The following OSBPL6 variants were observed in gnomAD, a reference collection of about 807,000 sequenced individuals.
The protein encoded by OSBPL6 is oxysterol binding protein like 6.
A neutral mutation model predicts 125.8 loss-of-function variants in OSBPL6; 49 were observed. The ratio of observed to expected loss-of-function variants is 0.39; its 90% CI spans 0.31 to 0.49. OSBPL6 has a LOEUF of 0.49. OSBPL6 is among the 20% of genes least tolerant of loss of function. The pLI is 0.88. For synonymous variants in OSBPL6, 394 were observed against 391.8 expected (o/e 1.01, Z -0.07); for missense variants, 986 against 1,135.4 (o/e 0.87, Z 1.89).
intron 12 of OSBPL6, among the ~76,000 whole-genome samples, chr2:178,356,853 A>G (rs1316112610): frequency 6.6e-6 from 1 of 152,260 alleles, no homozygotes; most frequent in Non-Finnish European, 1.5e-5. Context: ...ACAAGGCTAC[A>G]GTAACCAAAA....
chr2:178,379,894 A>G (rs192348859), intron 15 of OSBPL6, among the ~76,000 whole-genome samples: 1 of 152,326 alleles, frequency 6.6e-6, no homozygotes, highest in East Asian at 1.9e-4. Context: ...CATGTGTGCA[A>G]TCATTCTGTC....
chr2:178,222,053 C>T (rs1411101005), intron 1 of OSBPL6, among the ~76,000 whole-genome samples: 1 of 152,170 alleles, frequency 6.6e-6, no homozygotes, highest in Non-Finnish European at 1.5e-5. Context: ...AGGAAGTCAT[C>T]AACTAAAGAG....
chr2:178,207,636 T>A (rs1340489195), intron 1 of OSBPL6, among the ~76,000 whole-genome samples: 1 of 152,152 alleles, frequency 6.6e-6, no homozygotes, highest in Non-Finnish European at 1.5e-5. Context: ...GAAGTAAATT[T>A]GGGAACATCT....
rs137874405 is a variant in OSBPL6 at position 178,200,443 on chromosome 2, G to A, written c.-351+5769G>A. Among the ~76,000 whole-genome samples the A allele has an allele frequency of 8.3e-3, 1,257 of 151,774 alleles. 23 individuals carry two copies. Among genetic ancestry groups the A allele is most frequent in the African/African-American group, 0.028 (1,151 of 41,374 alleles). ...ATTTTTATATTCTTAGTAAAGATGG[G>A]GTTTCACCATGTTGGCCAGACTCGT... On this transcript the variant is annotated intron_variant, in intron 1 of 24. Coordinates refer to ENST00000190611, the MANE Select transcript of OSBPL6 (RefSeq NM_032523.4).
chr2:178,387,029 T>C, intron 19 of OSBPL6, 32 bp from the exon 20 acceptor site: 1 of 1,423,078 alleles, frequency 7.0e-7, no homozygotes, highest in Non-Finnish European at 9.9e-7. Context: ...ATATGGGGTA[T>C]GTATTTCTTG....
intron 1 of OSBPL6, among the ~76,000 whole-genome samples, chr2:178,262,285 T>C (rs1286098018): frequency 6.6e-6 from 1 of 152,194 alleles, no homozygotes; most frequent in Non-Finnish European, 1.5e-5. Flanking sequence ...GTTTTCAAAT[T>C]GAATATCTTC....
chr2:178,384,892 AT>A (rs1419488327), intron 18 of OSBPL6, among the ~76,000 whole-genome samples: 2 of 151,608 alleles, frequency 1.3e-5, no homozygotes, highest in African/African-American at 2.4e-5. Context: ...AAAAAAAAAA[AT>A]CTTTGTAGCT....
chr2:178,372,015 T>C, intron 13 of OSBPL6, 111 bp from the exon 14 acceptor site: 3 of 726,518 alleles, frequency 4.1e-6, no homozygotes, highest in Admixed American at 3.0e-5. Context: ...CTTCAAAAGT[T>C]AGAGCTAAGA....
chr2:178,380,032 C>A (rs1694314591), intron 15 of OSBPL6, among the ~76,000 whole-genome samples: 1 of 151,924 alleles, frequency 6.6e-6, no homozygotes, highest in Admixed American at 6.6e-5. Flanking sequence ...GTTTACATGA[C>A]AAAAGAATTG....
intron 14 of OSBPL6, among the ~76,000 whole-genome samples, chr2:178,373,062 T>C (rs1693549269): frequency 6.6e-6 from 1 of 152,152 alleles, no homozygotes; most frequent in Non-Finnish European, 1.5e-5. Flanking sequence ...ACCAAAAACA[T>C]ACATTTTACT....
intron 1 of OSBPL6, among the ~76,000 whole-genome samples, chr2:178,261,044 A>T (rs2092041372): frequency 6.6e-6 from 1 of 152,210 alleles, no homozygotes; most frequent in Admixed American, 6.5e-5. Context: ...AGGCAGAAGA[A>T]TCGCTTGAAC....
chr2:178,349,466 G>T, intron 12 of OSBPL6, 77 bp downstream of exon 12: 1 of 1,495,380 alleles, frequency 6.7e-7, no homozygotes. Flanking sequence ...TTTTATCTTT[G>T]TCTTTGTGGT....
At position 178,237,145 on chromosome 2, in the gene OSBPL6, G is replaced by A. The variant is rs548200322; in HGVS notation, c.-351+42471G>A. 2.0e-3 allele frequency among the ~76,000 whole-genome samples: 297 copies of A among 152,204 alleles called. 2 individuals carry two copies. The highest frequency in any genetic ancestry group is 0.01 in the Middle Eastern group (3 of 294). ...ATATTTTTATTCCCCCTGCTGCTGG[G>A]CCCTCACAGTATACTGTACTTAAGT... is the stretch of plus-strand genomic sequence containing the variant. On this transcript the variant is annotated intron_variant, in intron 1 of 24. Transcript: ENST00000190611.
At chr2:178,282,872 C>T (rs1207619877) in intron 1 of OSBPL6, among the ~76,000 whole-genome samples, 12 of 152,080 alleles carry the variant, frequency 7.9e-5, no homozygotes, top group Admixed American at 3.3e-4. Context: ...AAGCTGGTCT[C>T]GATCTCCTGA....
At chr2:178,343,498 C>T (rs1396705088) in intron 11 of OSBPL6, among the ~76,000 whole-genome samples, 2 of 152,080 alleles carry the variant, frequency 1.3e-5, no homozygotes, top group Non-Finnish European at 2.9e-5. Context: ...TCCCATCCAC[C>T]AAGAAGAAGA....
At chr2:178,246,991 A>T in intron 1 of OSBPL6, among the ~76,000 whole-genome samples, 1 of 147,580 alleles carries the variant, frequency 6.8e-6, no homozygotes, top group Non-Finnish European at 1.5e-5. Flanking sequence ...TTGGAACTTC[A>T]TCTCCCTGTA....
chr2:178,388,586 T>C (rs779684234), intron 20 of OSBPL6, among the ~76,000 whole-genome samples: 2 of 152,320 alleles, frequency 1.3e-5, no homozygotes, highest in South Asian at 4.1e-4. Flanking sequence ...TGCCCTCTTA[T>C]CTGCCATCTG....
intron 1 of OSBPL6, among the ~76,000 whole-genome samples, chr2:178,251,316 C>CT (rs1188623715): frequency 2.6e-5 from 4 of 151,498 alleles, no homozygotes; most frequent in Admixed American, 2.0e-4. Context: ...GCCGTCTACT[C>CT]TGTCAGTATT....
intron 11 of OSBPL6, among the ~76,000 whole-genome samples, chr2:178,348,684 A>G (rs768028818): frequency 3.9e-5 from 6 of 152,224 alleles, no homozygotes; most frequent in Non-Finnish European, 8.8e-5. Flanking sequence ...AGATTTTAAT[A>G]AGTCAGTTTC....
Sources: allele counts gnomAD v4.1 joint callset (sites outside exome capture counted in the v4.1 genomes callset), GRCh38; gene constraint gnomAD v4.1.1; transcripts MANE v1.5; gene names NCBI Gene and HGNC (gene_info 2026-07-23, HGNC 2026-07-21).